Variants in CPPED1 observed in about 807,000 individuals in gnomAD.
CPPED1 encodes serine/threonine-protein phosphatase CPPED1.
Under a neutral mutation model 28.0 loss-of-function variants are expected in CPPED1, and 28 were observed. That is an observed-to-expected ratio of 1.00 (90% CI 0.74 to 1.37). CPPED1 has a LOEUF of 1.37. Ranked by LOEUF, CPPED1 falls within the 40% of genes most tolerant of loss-of-function variation. The pLI is 0.00. For missense variants in CPPED1, 504 were observed against 416.5 expected, an observed-to-expected ratio of 1.21 and a Z score of -1.83; for synonymous variants, 198 against 180.2, an observed-to-expected ratio of 1.10 and a Z score of -0.79.
At chr16:12,722,413 C>T (rs1402939664) in intron 2 of CPPED1, among the ~76,000 whole-genome samples, 2 of 152,210 alleles carry the variant, frequency 1.3e-5, no homozygotes, top group African/African-American at 4.8e-5. Context: ...GGAAGAATTT[C>T]CTGCTGGAAA....
chr16:12,803,734 C>T lies in CPPED1; in HGVS notation c.43G>A (p.Gly15Ser), dbSNP rs1354333969. The T allele has an allele frequency of 1.9e-6, 3 of 1,595,872 alleles. No homozygotes were observed. The highest frequency in any genetic ancestry group is 1.1e-5 in the South Asian group (1 of 88,534). ...EAGGVFHRAR[G>S]RTLAAFPAEK... ...GCGGGAAACGCGGCCAGGGTCCTGC[C>T]CCTGGCTCTGTGGAAAACACCCCCC... is the stretch of plus-strand genomic sequence containing the variant. The change falls in exon 1 of 4, where the codon GGC becomes AGC. Residue 15 changes from glycine (G) to serine (S), a missense_variant. By Grantham distance (56) the Gly-to-Ser change is moderately conservative. Coordinates refer to ENST00000381774, the MANE Select transcript of CPPED1 (RefSeq NM_018340.3).
intron 2 of CPPED1, among the ~76,000 whole-genome samples, chr16:12,733,356 C>T (rs1006509883): frequency 6.0e-5 from 9 of 149,684 alleles, no homozygotes; most frequent in African/African-American, 2.0e-4. Flanking sequence ...CTCACTGCAA[C>T]CTCTGCCTCC....
At chr16:12,751,145 C>A (rs1040422860) in intron 2 of CPPED1, among the ~76,000 whole-genome samples, 13 of 152,058 alleles carry the variant, frequency 8.5e-5, no homozygotes, top group Non-Finnish European at 1.5e-4. Context: ...GAGATACAAT[C>A]AAAAACCCAA....
At chr16:12,692,352 G>A (rs1181891703) in intron 3 of CPPED1, among the ~76,000 whole-genome samples, 3 of 152,158 alleles carry the variant, frequency 2.0e-5, no homozygotes, top group Admixed American at 1.3e-4. Flanking sequence ...TGGGTCAGGG[G>A]TACCAATTCA....
intron 3 of CPPED1, among the ~76,000 whole-genome samples, chr16:12,699,793 C>T (rs986707700): frequency 3.9e-5 from 6 of 152,116 alleles, no homozygotes; most frequent in African/African-American, 1.4e-4. Context: ...ATAATATTGC[C>T]ATGGGGGGAA....
At chr16:12,674,618 G>A (rs935710418) in intron 3 of CPPED1, among the ~76,000 whole-genome samples, 2 of 152,154 alleles carry the variant, frequency 1.3e-5, no homozygotes, top group African/African-American at 4.8e-5. Flanking sequence ...CTGTTTTACT[G>A]AATCCTCCCA....
At chr16:12,767,419 A>G (rs531794229) in intron 2 of CPPED1, among the ~76,000 whole-genome samples, 3 of 152,276 alleles carry the variant, frequency 2.0e-5, no homozygotes, top group South Asian at 4.1e-4. Context: ...CACACCCAGA[A>G]ATCATGTCTT....
chr16:12,743,209 C>A (rs2080265590), intron 2 of CPPED1, among the ~76,000 whole-genome samples: 1 of 152,156 alleles, frequency 6.6e-6, no homozygotes. Flanking sequence ...AGTCTCAGGA[C>A]TTCTCTGCTA....
chr16:12,759,731 G>T (rs1391881269), intron 2 of CPPED1, among the ~76,000 whole-genome samples: 1 of 152,206 alleles, frequency 6.6e-6, no homozygotes, highest in Non-Finnish European at 1.5e-5. Flanking sequence ...AAAGTGTTGG[G>T]CAGTTGCCCC....
At chr16:12,791,119 T>C (rs1260437420) in intron 1 of CPPED1, among the ~76,000 whole-genome samples, 1 of 151,718 alleles carries the variant, frequency 6.6e-6, no homozygotes, top group East Asian at 1.9e-4. Context: ...TACATAGGTA[T>C]ACATGTGCCA....
At chr16:12,739,383 C>A (rs368402038) in intron 2 of CPPED1, among the ~76,000 whole-genome samples, 6 of 152,032 alleles carry the variant, frequency 3.9e-5, no homozygotes, top group Non-Finnish European at 4.4e-5. Context: ...AGTTCAAGAC[C>A]AGGTTGGCCA....
At chr16:12,776,618 G>T (rs1596481002) in intron 2 of CPPED1, among the ~76,000 whole-genome samples, 1 of 152,224 alleles carries the variant, frequency 6.6e-6, no homozygotes, top group East Asian at 1.9e-4. Flanking sequence ...CTTGTCTGCT[G>T]CCATATAAGA....
chr16:12,664,758 A>G lies in CPPED1; in HGVS notation c.*128T>C. Reference sequence around the variant, plus strand: ...GGGCCCCAGCTCTCTGATTTATGCAAAAGGACATAAATTCACAAACCTGCC... The same window carrying G: ...GGGCCCCAGCTCTCTGATTTATGCAGAAGGACATAAATTCACAAACCTGCC... On this transcript the variant is annotated 3_prime_UTR_variant, in exon 4 of 4. Coordinates refer to ENST00000381774, the MANE Select transcript of CPPED1 (RefSeq NM_018340.3). This position sits in a 1 kb window ranked among gnomAD's most constrained non-coding sequence, Gnocchi z 4.2. 6.6e-7 allele frequency: 1 copy of G among 1,505,794 alleles called. No individual in the cohort carries two copies. Among genetic ancestry groups the G allele is most frequent in the South Asian group, 1.3e-5 (1 of 75,452 alleles). The allele number at this position is 1,505,794 out of a possible 1,614,324, so 93.3% of individuals were successfully genotyped here. A position where few individuals can be genotyped will look rare whatever the true frequency, so the allele number is the denominator to read the frequency against.
At chr16:12,675,778 C>T (rs891427720) in intron 3 of CPPED1, among the ~76,000 whole-genome samples, 3 of 152,214 alleles carry the variant, frequency 2.0e-5, no homozygotes, top group African/African-American at 7.2e-5. Flanking sequence ...TGCAAACCAT[C>T]ACTCACACTG....
chr16:12,727,602 GCCTCCC>G (rs2080176741), intron 2 of CPPED1, among the ~76,000 whole-genome samples: 1 of 152,070 alleles, frequency 6.6e-6, no homozygotes, highest in South Asian at 2.1e-4. Context: ...TCACACTTTG[GCCTCCC>G]AAAGTGTAGG....
intron 3 of CPPED1, among the ~76,000 whole-genome samples, chr16:12,698,534 C>T (rs764080297): frequency 2.6e-5 from 4 of 152,066 alleles, no homozygotes; most frequent in Non-Finnish European, 4.4e-5. Flanking sequence ...AGGGTTCAAG[C>T]GATTCTTCTG....
At chr16:12,668,901 T>A (rs1190157036) in intron 3 of CPPED1, among the ~76,000 whole-genome samples, 1 of 152,264 alleles carries the variant, frequency 6.6e-6, no homozygotes, top group Non-Finnish European at 1.5e-5. Flanking sequence ...AATGGTACAG[T>A]TCTTTTGGAA....
intron 2 of CPPED1, among the ~76,000 whole-genome samples, chr16:12,721,753 T>TA (rs200876974): frequency 0.021 from 2,799 of 131,804 alleles, 60 homozygotes; most frequent in Admixed American, 0.066. Flanking sequence ...GATTCCGTCT[T>TA]AAAAAAAAAA....
At chr16:12,669,843 G>A (rs1055372423) in intron 3 of CPPED1, among the ~76,000 whole-genome samples, 2 of 152,182 alleles carry the variant, frequency 1.3e-5, no homozygotes, top group African/African-American at 4.8e-5. Flanking sequence ...GGAACATCTT[G>A]TGTTGCCAGA....
Sources: allele counts gnomAD v4.1 joint callset (sites outside exome capture counted in the v4.1 genomes callset), GRCh38; gene constraint gnomAD v4.1.1; non-coding constraint Gnocchi (gnomAD v3.1); transcripts MANE v1.5; gene names NCBI Gene and HGNC (gene_info 2026-07-23, HGNC 2026-07-21).